SLC39A11: variants seen among roughly 807,000 people sequenced by gnomAD.
SLC39A11 encodes the protein zinc transporter ZIP11.
SLC39A11 carries 33 observed loss-of-function variants against 36.1 expected under a neutral mutation model. The ratio of observed to expected loss-of-function variants is 0.91; its 90% confidence interval spans 0.69 to 1.22. SLC39A11 has a LOEUF of 1.22. SLC39A11 is among the 50% of genes most tolerant of loss of function. The probability of loss-of-function intolerance (pLI) is 0.00; values close to 1 mark genes in which losing one functional copy is unlikely to be tolerated. For missense variants in SLC39A11, 432 were observed against 430.3 expected (o/e 1.00, Z -0.03); for synonymous variants, 166 against 170.3 (o/e 0.97, Z 0.20).
At chr17:72,673,111 T>G (rs567958119) in intron 7 of SLC39A11, among the ~76,000 whole-genome samples, 1 of 152,166 alleles carries the variant, frequency 6.6e-6, no homozygotes, top group African/African-American at 2.4e-5. Context: ...TTGTTGTTGT[T>G]GTGGTTTTTG....
chr17:72,742,125 C>T (rs1183864314), intron 6 of SLC39A11, among the ~76,000 whole-genome samples: 2 of 152,090 alleles, frequency 1.3e-5, no homozygotes, highest in African/African-American at 2.4e-5. Context: ...ATCGCTTGAA[C>T]CCGGGAGGCA....
intron 6 of SLC39A11, among the ~76,000 whole-genome samples, chr17:72,763,828 T>A (rs1284427619): frequency 6.6e-6 from 1 of 152,158 alleles, no homozygotes; most frequent in Non-Finnish European, 1.5e-5. Flanking sequence ...ATGGAAAAAC[T>A]GAGTTTTGAC....
chr17:72,648,828 C>T lies in SLC39A11; in HGVS notation c.904G>A (p.Asp302Asn), dbSNP rs781321679. The T allele has an allele frequency of 8.7e-6, 14 of 1,614,036 alleles. No homozygotes were observed. Among genetic ancestry groups the T allele is most frequent in the Admixed American group, 1.7e-5 (1 of 59,998 alleles). Residue 302 changes from aspartate to asparagine, a missense_variant, in exon 9 of 10, where the codon GAC becomes AAC. Physicochemically the swap from Asp to Asn is conservative, Grantham distance 23. Coordinates refer to ENST00000255559, the MANE Select transcript of SLC39A11 (RefSeq NM_139177.4). ...AGAMVYVVMD[D>N]IIPEAQISGN... ...CTGATCTGGGCTTCGGGGATGATGTCGTCCATGACCACGTAGACCATGGCA... is the reference window on the plus strand; with the variant it reads ...CTGATCTGGGCTTCGGGGATGATGTTGTCCATGACCACGTAGACCATGGCA...
intron 7 of SLC39A11, among the ~76,000 whole-genome samples, chr17:72,726,331 A>C (rs2073931634): frequency 6.6e-6 from 1 of 152,164 alleles, no homozygotes; most frequent in African/African-American, 2.4e-5. Flanking sequence ...TCTCCTTTGT[A>C]ACTTCTCTAC....
At chr17:72,795,219 CG>C (rs1218702833) in intron 6 of SLC39A11, among the ~76,000 whole-genome samples, 3 of 152,112 alleles carry the variant, frequency 2.0e-5, no homozygotes, top group African/African-American at 7.2e-5. Flanking sequence ...GGCCCTGGCT[CG>C]GGGTCTGTCA....
Position 72,940,718 on chromosome 17 carries a change from G to A in SLC39A11, c.430+7034C>T, listed in dbSNP as rs916650093. Among the ~76,000 whole-genome samples the A allele has an allele frequency of 5.9e-5, 9 of 152,280 alleles. No homozygotes were observed. The East Asian group carries it at 1.7e-3, about 29-fold the overall frequency. On this transcript the variant is annotated intron_variant, in intron 5 of 9. Coordinates refer to ENST00000255559, the MANE Select transcript of SLC39A11 (RefSeq NM_139177.4). ...AGCCATGCAGTGAGAGAATCTAGAA[G>A]GCAGAAACAAAGAGAACTCCTTTCT...
In SLC39A11 at chr17:73,004,223, G is replaced by GAAAAGA. The variant is rs370406289; in HGVS notation, c.306+27332_306+27333insTCTTTT. Among the ~76,000 whole-genome samples, 80 of 79,034 alleles carry GAAAAGA rather than the reference G, an allele frequency of 1.0e-3. 3 individuals are homozygous for GAAAAGA. The highest frequency in any genetic ancestry group is 4.0e-3 in the African/African-American group (76 of 19,124). 51.8% of individuals were successfully genotyped at this position (79,034 alleles called of 152,430 possible). ...AGAAAGAAAGAAAGAAAGAAAGAAA[G>GAAAAGA]AAAGAAAGAAAAGAAAGAAAGAGAA... On this transcript the variant is annotated intron_variant, in intron 4 of 9. Transcript: ENST00000255559.
chr17:72,894,664 T>C (rs1251981002), intron 5 of SLC39A11, among the ~76,000 whole-genome samples: 3 of 105,664 alleles, frequency 2.8e-5, no homozygotes, highest in African/African-American at 1.5e-4. Context: ...AGCAAGACCC[T>C]GTCTCAAAAA....
chr17:72,762,444 G>A (rs961482184), intron 6 of SLC39A11, among the ~76,000 whole-genome samples: 1 of 152,144 alleles, frequency 6.6e-6, no homozygotes, highest in Admixed American at 6.5e-5. Context: ...AAAAAGCAGA[G>A]GAACCCTCAG....
intron 4 of SLC39A11, among the ~76,000 whole-genome samples, chr17:73,025,879 C>A (rs1206472279): frequency 6.6e-6 from 1 of 152,152 alleles, no homozygotes; most frequent in East Asian, 1.9e-4. Context: ...CTTTGGGAGG[C>A]TGAGGCAGGC....
Position 72,876,378 on chromosome 17 carries a change from GT to G in SLC39A11, c.431-26575del, listed in dbSNP as rs2080897427. On this transcript the variant is annotated intron_variant, in intron 5 of 9. Coordinates refer to ENST00000255559, the MANE Select transcript of SLC39A11 (RefSeq NM_139177.4). ...GGAAGCATGTTGTTAAGTTCCAAAAGTTTGTCTCTGCTTGTTAGAACATAGT... is the reference window on the plus strand; with the variant it reads ...GGAAGCATGTTGTTAAGTTCCAAAAGTTGTCTCTGCTTGTTAGAACATAGT... 3.9e-5 allele frequency among the ~76,000 whole-genome samples: 6 copies of G among 152,290 alleles called. No individual in the cohort carries two copies. In the South Asian group the frequency reaches 1.2e-3, roughly 32 times the overall value.
At chr17:72,701,759 G>A (rs2143044047) in intron 7 of SLC39A11, among the ~76,000 whole-genome samples, 11 of 111,902 alleles carry the variant, frequency 9.8e-5, no homozygotes, top group African/African-American at 1.6e-4. Flanking sequence ...AAAAGAGAAA[G>A]AAAGAAAGAG....
intron 7 of SLC39A11, among the ~76,000 whole-genome samples, chr17:72,669,882 G>A (rs1003609966): frequency 8.1e-5 from 12 of 148,978 alleles, no homozygotes; most frequent in Admixed American, 4.7e-4. Flanking sequence ...ACATATACAC[G>A]TATAGATGTA....
Position 73,081,166 on chromosome 17 carries a change from G to A in SLC39A11, c.147+3642C>T, listed in dbSNP as rs138277244. On this transcript the variant is annotated intron_variant, in intron 3 of 9. Transcript: ENST00000255559. ...CCATCAACAAGTGGCCTAAGGACAT[G>A]AATGGACAATTCTCAAATGAAGATA... 7.6e-3 allele frequency among the ~76,000 whole-genome samples: 1,154 copies of A among 152,126 alleles called. 15 individuals carry two copies. Among genetic ancestry groups the A allele is most frequent in the African/African-American group, 0.025 (1,043 of 41,510 alleles).
chr17:72,863,167 G>A (rs773082295), intron 5 of SLC39A11, among the ~76,000 whole-genome samples: 9 of 152,144 alleles, frequency 5.9e-5, no homozygotes, highest in East Asian at 3.9e-4. Context: ...CCAAGAGCCC[G>A]GACCTCTTGC....
chr17:72,984,731 T>A (rs2088589755), intron 4 of SLC39A11, among the ~76,000 whole-genome samples: 1 of 152,238 alleles, frequency 6.6e-6, no homozygotes, highest in South Asian at 2.1e-4. Flanking sequence ...AAAGGTGAAG[T>A]CTCACCGCAT....
intron 4 of SLC39A11, among the ~76,000 whole-genome samples, chr17:73,013,821 G>A (rs2090660268): frequency 6.6e-6 from 1 of 152,098 alleles, no homozygotes; most frequent in African/African-American, 2.4e-5. Context: ...GGACCAATGA[G>A]GGGATAATGA....
intron 5 of SLC39A11, among the ~76,000 whole-genome samples, chr17:72,941,835 C>A (rs1026942050): frequency 6.6e-6 from 1 of 151,762 alleles, no homozygotes; most frequent in Non-Finnish European, 1.5e-5. Context: ...TTTTGTGCGG[C>A]ACATTTTAAC....
At chr17:72,761,218 G>A (rs908133458) in intron 6 of SLC39A11, among the ~76,000 whole-genome samples, 4 of 152,110 alleles carry the variant, frequency 2.6e-5, no homozygotes, top group African/African-American at 7.2e-5. Context: ...GGGTTCAAGC[G>A]ATTCTCCTGC....
Sources: allele counts gnomAD v4.1 joint callset (sites outside exome capture counted in the v4.1 genomes callset), GRCh38; gene constraint gnomAD v4.1.1; transcripts MANE v1.5; gene names NCBI Gene and HGNC (gene_info 2026-07-23, HGNC 2026-07-21).